TIMMDC1: variants seen among roughly 807,000 people sequenced by gnomAD.
TIMMDC1 encodes the protein complex I assembly factor TIMMDC1, mitochondrial.
TIMMDC1 carries 25 observed loss-of-function variants against 32.6 expected under a neutral mutation model. The ratio of observed to expected loss-of-function variants is 0.77; its 90% CI spans 0.56 to 1.07. TIMMDC1 has a LOEUF of 1.07. Ranked by LOEUF, TIMMDC1 falls within the 50% of genes least tolerant of loss-of-function variation. The pLI is 0.00. For missense variants in TIMMDC1, 329 were observed against 349.2 expected (o/e 0.94, Z 0.46); for synonymous variants, 130 against 127.6 (o/e 1.02, Z -0.13).
intron 5 of TIMMDC1, among the ~76,000 whole-genome samples, chr3:119,516,075 A>G (rs2081983994): frequency 6.6e-6 from 1 of 152,236 alleles, no homozygotes; most frequent in Admixed American, 6.5e-5. Context: ...TGTAGGAGTT[A>G]GCAACAAAAA....
At chr3:119,500,448 C>T (rs2081864031) in intron 1 of TIMMDC1, 1 of 386,808 alleles carries the variant, frequency 2.6e-6, no homozygotes, top group Non-Finnish European at 4.6e-6. Context: ...CCAAAAGCTC[C>T]CCTTGTGCCT....
intron 4 of TIMMDC1, among the ~76,000 whole-genome samples, chr3:119,505,227 A>G (rs2081910372): frequency 1.3e-5 from 2 of 152,226 alleles, no homozygotes; most frequent in Non-Finnish European, 2.9e-5. Context: ...TACAATTTTT[A>G]CTTGTCAGAT....
Position 119,523,917 on chromosome 3 carries a change from T to A in TIMMDC1, c.*161T>A. ...CTTGTCTTTTTCTTTTCTTTTTAAC[T>A]AAGAATGGGGCTGTTGTACTCTCAC... is the stretch of plus-strand genomic sequence containing the variant. On this transcript the variant is annotated 3_prime_UTR_variant, in exon 7 of 7. Coordinates refer to ENST00000494664, the MANE Select transcript of TIMMDC1 (RefSeq NM_016589.4). The A allele has an allele frequency of 1.7e-6, 1 of 574,018 alleles. No individual in the cohort carries two copies. Among genetic ancestry groups the A allele is most frequent in the Non-Finnish European group, 2.9e-6 (1 of 345,156 alleles). The allele number at this position is 574,018 out of a possible 1,614,324, so 35.6% of individuals were successfully genotyped here. A position where few individuals can be genotyped will look rare whatever the true frequency, so the allele number is the denominator to read the frequency against.
intron 6 of TIMMDC1, 26 bp from the exon 7 acceptor site, chr3:119,523,580 G>T: frequency 6.4e-7 from 1 of 1,565,066 alleles, no homozygotes; most frequent in South Asian, 1.2e-5. Flanking sequence ...AGCAGTATTT[G>T]ATTTATCCTT....
At position 119,498,552 on chromosome 3, in the gene TIMMDC1, A is replaced by G. The variant is rs747825186; in HGVS notation, c.-182A>G. 10 of 594,190 alleles carry G rather than the reference A, an allele frequency of 1.7e-5. No individual in the cohort carries two copies. The highest frequency in any genetic ancestry group is 6.3e-5 in the South Asian group (3 of 47,854). 36.8% of individuals were successfully genotyped at this position (594,190 alleles called of 1,614,324 possible). On this transcript the variant is annotated 5_prime_UTR_variant, in exon 1 of 7. Coordinates refer to ENST00000494664, the MANE Select transcript of TIMMDC1 (RefSeq NM_016589.4). ...GGTCGGGCGGGACTTCCTGTGTCGT[A>G]TTTCCAAGGACTCCAAAGCGAGGCC... is the stretch of plus-strand genomic sequence containing the variant.
At chr3:119,515,594 A>G (rs1215041197) in intron 5 of TIMMDC1, among the ~76,000 whole-genome samples, 1 of 152,206 alleles carries the variant, frequency 6.6e-6, no homozygotes, top group African/African-American at 2.4e-5. Context: ...ATTAGGCAGG[A>G]TATTTGGGGG....
Position 119,510,519 on chromosome 3 carries a change from C to A in TIMMDC1, c.518-3122C>A, listed in dbSNP as rs78296210. ...TTTCAGCAAAAAATAATGAGGGGTTCTTGCAACTGTAAAATTAAAATCTGT... is the reference window on the plus strand; with the variant it reads ...TTTCAGCAAAAAATAATGAGGGGTTATTGCAACTGTAAAATTAAAATCTGT... On this transcript the variant is annotated intron_variant, in intron 4 of 6. Coordinates refer to ENST00000494664, the MANE Select transcript of TIMMDC1 (RefSeq NM_016589.4). Among the ~76,000 whole-genome samples the A allele has an allele frequency of 2.5e-3, 375 of 152,118 alleles. 2 individuals carry two copies. The highest frequency in any genetic ancestry group is 7.6e-3 in the African/African-American group (314 of 41,492).
Position 119,524,350 on chromosome 3 carries a change from G to A in TIMMDC1, c.*594G>A, listed in dbSNP as rs2082051589. On this transcript the variant is annotated 3_prime_UTR_variant, in exon 7 of 7. Coordinates refer to ENST00000494664, the MANE Select transcript of TIMMDC1 (RefSeq NM_016589.4). ...CCTTAGTATTGCTGACAAAGTATCTGCTGTAGAATACAGGAATTACTTAGA... is the reference window on the plus strand; with the variant it reads ...CCTTAGTATTGCTGACAAAGTATCTACTGTAGAATACAGGAATTACTTAGA... 6.6e-6 allele frequency: 1 copy of A among 152,372 alleles called. No individual in the cohort carries two copies. Among genetic ancestry groups the A allele is most frequent in the African/African-American group, 2.4e-5 (1 of 41,592 alleles). The allele number at this position is 152,372 out of a possible 1,614,324, so 9.4% of individuals were successfully genotyped here. A position where few individuals can be genotyped will look rare whatever the true frequency, so the allele number is the denominator to read the frequency against.
intron 2 of TIMMDC1, among the ~76,000 whole-genome samples, chr3:119,502,156 A>G (rs956168617): frequency 2.6e-5 from 4 of 152,128 alleles, no homozygotes; most frequent in Non-Finnish European, 4.4e-5. Flanking sequence ...TATAAACTAT[A>G]ATATTTCTAC....
At position 119,515,967 on chromosome 3, in the gene TIMMDC1, T is replaced by A. The variant is rs183415554; in HGVS notation, c.597-1238T>A. On this transcript the variant is annotated intron_variant, in intron 5 of 6. Coordinates refer to ENST00000494664, the MANE Select transcript of TIMMDC1 (RefSeq NM_016589.4). Reference sequence around the variant, plus strand: ...AATGCTATAGATTTAATGATTTTTTTAAAAATTTGAATTAAATAAAATCAG... The same window carrying A: ...AATGCTATAGATTTAATGATTTTTTAAAAAATTTGAATTAAATAAAATCAG... Among the ~76,000 whole-genome samples, 88 of 152,336 alleles carry A rather than the reference T, an allele frequency of 5.8e-4. No homozygotes were observed. The East Asian group carries it at 0.014, about 25-fold the overall frequency.
At chr3:119,517,384 T>A in intron 6 of TIMMDC1, 69 bp downstream of exon 6, 4 of 982,106 alleles carry the variant, frequency 4.1e-6, no homozygotes, top group Non-Finnish European at 3.3e-6. Context: ...GGTGCTCTTT[T>A]AAACTTATGT....
rs533216311 is a variant in TIMMDC1 at position 119,511,482 on chromosome 3, A to C, written c.518-2159A>C. ...GCAGAGTGAGACTCCATCTTAAAAA[A>C]AAAAAGAAAAAAGAAAAAAAAATTT... On this transcript the variant is annotated intron_variant, in intron 4 of 6. Transcript: ENST00000494664. Among the ~76,000 whole-genome samples, 10 of 145,362 alleles carry C rather than the reference A, an allele frequency of 6.9e-5. No homozygotes were observed. The East Asian group carries it at 2.1e-3, about 31-fold the overall frequency.
chr3:119,517,154 C>T (rs769913838), intron 5 of TIMMDC1, 51 bp from the exon 6 acceptor site: 30 of 1,149,620 alleles, frequency 2.6e-5, no homozygotes, highest in Non-Finnish European at 3.5e-5. Context: ...TCACATGTTG[C>T]AAGGTCTAAT....
chr3:119,503,454 A>AGTTCT (rs1257885640), intron 2 of TIMMDC1, 78 bp from the exon 3 acceptor site: 35 of 1,102,128 alleles, frequency 3.2e-5, no homozygotes, highest in Non-Finnish European at 4.0e-5. Flanking sequence ...TCCATAGCTA[A>AGTTCT]AATTCCTCTA....
intron 4 of TIMMDC1, among the ~76,000 whole-genome samples, chr3:119,504,344 G>A (rs945037139): frequency 6.6e-6 from 1 of 152,230 alleles, no homozygotes; most frequent in Non-Finnish European, 1.5e-5. Context: ...TTCTGAGGAA[G>A]TGACATTTGA....
rs530923962 is a variant in TIMMDC1, at chr3:119,498,939, T to G, written c.194+12T>G. The G allele has an allele frequency of 1.9e-6, 3 of 1,613,422 alleles. No homozygotes were observed. The highest frequency in any genetic ancestry group is 2.2e-5 in the South Asian group (2 of 91,064). On this transcript the variant is annotated intron_variant, in intron 1 of 6. Transcript: ENST00000494664. Reference sequence around the variant, plus strand: ...CTGTTTGGCAAAGAGTAAAAGTGCCTAGGGTGTGAAGTGGGGTAGGGGGCC... The same window carrying G: ...CTGTTTGGCAAAGAGTAAAAGTGCCGAGGGTGTGAAGTGGGGTAGGGGGCC...
chr3:119,522,961 A>G, intron 6 of TIMMDC1, among the ~76,000 whole-genome samples: 1 of 152,216 alleles, frequency 6.6e-6, no homozygotes, highest in Non-Finnish European at 1.5e-5. Flanking sequence ...TGAGCAGAAA[A>G]TGTAGAAAAC....
rs1465324035 is a variant in TIMMDC1, at chr3:119,513,629, G to C, written c.518-12G>C. On this transcript the variant is annotated splice_polypyrimidine_tract_variant and intron_variant, in intron 4 of 6. Transcript: ENST00000494664. ...AAGATGATTTAATATTGCCTTTCTT[G>C]TTTTTAAATAGCTGTCACGGGAAGT... 6.2e-6 allele frequency: 10 copies of C among 1,604,406 alleles called. No individual in the cohort carries two copies. Among genetic ancestry groups the C allele is most frequent in the Admixed American group, 5.0e-5 (3 of 59,866 alleles).
rs1405125847 is a variant in TIMMDC1, at chr3:119,507,560, T to TAG, written c.517+3540_517+3541insGA. 2.0e-5 allele frequency among the ~76,000 whole-genome samples: 3 copies of TAG among 152,236 alleles called. No homozygotes were observed. The East Asian group carries it at 5.8e-4, about 29-fold the overall frequency. On this transcript the variant is annotated intron_variant, in intron 4 of 6. Transcript: ENST00000494664. ...ATCTATTCTTGCATGCTATCTACTT[T>TAG]ATCCATTAGAGCCCTTAGTGTATTA...
Sources: gnomAD v4.1 joint callset for allele counts (sites outside exome capture counted in the v4.1 genomes callset) on GRCh38, gnomAD v4.1.1 for gene constraint, MANE v1.5 for transcripts, NCBI Gene and HGNC (gene_info 2026-07-23, HGNC 2026-07-21) for gene names.